Variants in RNF25 observed in about 807,000 individuals in gnomAD.
RNF25 encodes ring finger protein 25.
Under a neutral mutation model 65.0 loss-of-function variants are expected in RNF25, and 32 were observed. The ratio of observed to expected loss-of-function variants is 0.49; its 90% CI spans 0.37 to 0.66. RNF25 has a LOEUF of 0.66. Among genes scored for constraint, RNF25 ranks in the 30% least tolerant of loss-of-function variants. The probability of loss-of-function intolerance (pLI) is 0.00; values close to 1 mark genes in which losing one functional copy is unlikely to be tolerated. For synonymous variants in RNF25, 207 were observed against 221.2 expected (o/e 0.94, Z 0.57); for missense variants, 493 against 584.8 (o/e 0.84, Z 1.62).
intron 8 of RNF25, 64 bp downstream of exon 8, chr2:218,665,091 G>T: frequency 6.5e-7 from 1 of 1,528,442 alleles, no homozygotes; most frequent in Non-Finnish European, 9.1e-7. Flanking sequence ...CAGACAAGAT[G>T]CCATTCCTTA....
intron 2 of RNF25, 61 bp from the exon 3 acceptor site, chr2:218,668,402 G>GCTGGGGTGT: frequency 1.3e-6 from 1 of 774,716 alleles, no homozygotes; most frequent in Non-Finnish European, 2.1e-6. Flanking sequence ...GGCTGGGGAG[G>GCTGGGGTGT]ATGGGGCTGA....
rs1013772694 is a variant in RNF25, at chr2:218,670,613, A to G, written c.41+1317T>C. Reference sequence around the variant, plus strand: ...CGGGAGGCTGAGGCAGGAGAATGGCATGAACCCGGGAGGCGGAGCTTGCAG... The same window carrying G: ...CGGGAGGCTGAGGCAGGAGAATGGCGTGAACCCGGGAGGCGGAGCTTGCAG... On this transcript the variant is annotated intron_variant, in intron 1 of 9. Transcript: ENST00000295704. Among the ~76,000 whole-genome samples the G allele has an allele frequency of 6.2e-5, 9 of 145,232 alleles. No homozygotes were observed. The East Asian group carries it at 1.1e-3, about 17-fold the overall frequency.
Position 218,668,683 on chromosome 2 carries a change from G to C in RNF25, c.42-4C>G, listed in dbSNP as rs1385330943. 2.5e-6 allele frequency: 4 copies of C among 1,593,466 alleles called. No individual in the cohort carries two copies. The highest frequency in any genetic ancestry group is 3.4e-6 in the Non-Finnish European group (4 of 1,161,962). On this transcript the variant is annotated splice_region_variant and splice_polypyrimidine_tract_variant and intron_variant, in intron 1 of 9. Transcript: ENST00000295704. ...TTCAACTTCAGAGGGAAGGACCCTAGAGAGACAGGAGTAGACTAACTTACC... is the reference window on the plus strand; with the variant it reads ...TTCAACTTCAGAGGGAAGGACCCTACAGAGACAGGAGTAGACTAACTTACC...
At chr2:218,667,874 G>A in intron 5 of RNF25, 38 bp downstream of exon 5, 1 of 1,589,930 alleles carries the variant, frequency 6.3e-7, no homozygotes, top group Non-Finnish European at 8.6e-7. Flanking sequence ...GCTCTAGCTT[G>A]AAGGAAAGAA....
Position 218,665,827 on chromosome 2 carries a change from G to C in RNF25, c.573+89C>G, listed in dbSNP as rs1216151881. ...AGGGTATCTATGACCCTGAAAAAGT[G>C]AAGAGCCACTGGAGTGGAGAGATGG... On this transcript the variant is annotated intron_variant, in intron 7 of 9. Coordinates refer to ENST00000295704, the MANE Select transcript of RNF25 (RefSeq NM_022453.3). The C allele has an allele frequency of 2.0e-6, 3 of 1,507,090 alleles. No homozygotes were observed. The African/African-American group carries it at 4.2e-5, about 21-fold the overall frequency. The allele number at this position is 1,507,090 out of a possible 1,614,324, so 93.4% of individuals were successfully genotyped here. A position where few individuals can be genotyped will look rare whatever the true frequency, so the allele number is the denominator to read the frequency against.
chr2:218,665,398 A>G lies in RNF25; in HGVS notation c.574-151T>C, dbSNP rs1304969084. 4.5e-6 allele frequency: 3 copies of G among 666,740 alleles called. No individual in the cohort carries two copies. The African/African-American group carries it at 5.5e-5, about 12-fold the overall frequency. The allele number at this position is 666,740 out of a possible 1,614,324, so 41.3% of individuals were successfully genotyped here. On this transcript the variant is annotated intron_variant, in intron 7 of 9. Transcript: ENST00000295704. Reference sequence around the variant, plus strand: ...GTTGGGACAGAGCACGGGTTGTCTAACTAGAGATCTGGGAACCCCCCGAAA... The same window carrying G: ...GTTGGGACAGAGCACGGGTTGTCTAGCTAGAGATCTGGGAACCCCCCGAAA...
chr2:218,671,934 C>T lies in RNF25; in HGVS notation c.37G>A (p.Asp13Asn), dbSNP rs763666601. The part of the protein sequence containing the change: ...ASASAAAGEE[D>N]WVLPSEVEVL... ...AGCCCATGCCCCCAAAGTTACCAGTCCTCCTCCCCTGCAGCTGCAGACGCA... is the reference window on the plus strand; with the variant it reads ...AGCCCATGCCCCCAAAGTTACCAGTTCTCCTCCCCTGCAGCTGCAGACGCA... Residue 13 changes from aspartate (D) to asparagine (N), a missense_variant, in exon 1 of 10, where the codon GAC becomes AAC. Asp to Asn is a conservative substitution (Grantham distance 23, BLOSUM62 1). This residue lies in a region of RNF25 where 34 missense variants were observed against 18.6 expected (regional missense o/e 1.83). Coordinates refer to ENST00000295704, the MANE Select transcript of RNF25 (RefSeq NM_022453.3). 5 of 1,614,138 alleles carry T rather than the reference C, an allele frequency of 3.1e-6. No homozygotes were observed. The highest frequency in any genetic ancestry group is 3.4e-6 in the Non-Finnish European group (4 of 1,180,042).
rs889342651 is a variant in RNF25 at position 218,664,720 on chromosome 2, T to C, written c.801+19A>G. 1 of 1,614,094 alleles carries C rather than the reference T, an allele frequency of 6.2e-7. No individual in the cohort carries two copies. The highest frequency in any genetic ancestry group is 1.7e-5 in the Admixed American group (1 of 60,012). On this transcript the variant is annotated intron_variant, in intron 9 of 9. Coordinates refer to ENST00000295704, the MANE Select transcript of RNF25 (RefSeq NM_022453.3). This position sits in a 1 kb window ranked among gnomAD's most constrained non-coding sequence, Gnocchi z 5.1. ...AAGGTTGGTGGCATTACAGGACAAC[T>C]GGGAAGCCCTTCCCTCACCTGCTGA...
chr2:218,670,142 T>A (rs1190567080), intron 1 of RNF25, among the ~76,000 whole-genome samples: 1 of 149,364 alleles, frequency 6.7e-6, no homozygotes, highest in Non-Finnish European at 1.5e-5. Context: ...GAGGCTGTAG[T>A]GAGCCATGAT....
At chr2:218,667,743 CT>C (rs1410296434) in intron 5 of RNF25, among the ~76,000 whole-genome samples, 168 bp downstream of exon 5, 1 of 152,160 alleles carries the variant, frequency 6.6e-6, no homozygotes, top group Non-Finnish European at 1.5e-5. Context: ...ACTGAACTGT[CT>C]TTTGGGAAGT....
intron 1 of RNF25, among the ~76,000 whole-genome samples, chr2:218,670,753 T>C (rs966129285): frequency 6.8e-6 from 1 of 147,872 alleles, no homozygotes; most frequent in African/African-American, 2.5e-5. Flanking sequence ...AATGTCCTAG[T>C]ACAAAGAATC....
chr2:218,668,996 T>C (rs1395170151), intron 1 of RNF25, among the ~76,000 whole-genome samples: 2 of 152,232 alleles, frequency 1.3e-5, no homozygotes, highest in East Asian at 3.8e-4. Flanking sequence ...TTAAGTTTCA[T>C]TCCCCTTAGT....
At chr2:218,665,294 C>T (rs761438007) in intron 7 of RNF25, 47 bp from the exon 8 acceptor site, 3 of 1,555,666 alleles carry the variant, frequency 1.9e-6, no homozygotes, top group Admixed American at 3.5e-5. Context: ...CCAGGATGCC[C>T]CCTGGTGCTG....
At chr2:218,667,325 G>C (rs968290288) in intron 5 of RNF25, among the ~76,000 whole-genome samples, 2 of 151,544 alleles carry the variant, frequency 1.3e-5, no homozygotes, top group African/African-American at 2.4e-5. Context: ...CAGTGTATAA[G>C]CTCTTTCAGT....
intron 1 of RNF25, among the ~76,000 whole-genome samples, chr2:218,671,643 T>A (rs1575116604): frequency 6.6e-6 from 1 of 152,128 alleles, no homozygotes; most frequent in Non-Finnish European, 1.5e-5. Context: ...AAAATTCATT[T>A]GAGGAGGAGA....
chr2:218,668,551 G>A, intron 2 of RNF25, 54 bp downstream of exon 2: 2 of 1,304,262 alleles, frequency 1.5e-6, no homozygotes, highest in South Asian at 2.4e-5. Context: ...ATTCAGCATA[G>A]AACCTCTCCT....
chr2:218,671,974 T>C lies in RNF25; in HGVS notation c.-4A>G, dbSNP rs769559167. The C allele has an allele frequency of 6.2e-7, 1 of 1,614,176 alleles. No individual in the cohort carries two copies. The highest frequency in any genetic ancestry group is 2.2e-5 in the East Asian group (1 of 44,866). On this transcript the variant is annotated 5_prime_UTR_variant, in exon 1 of 10. Transcript: ENST00000295704. ...CTGCAGACGCAGACGCCGCCATATCTTCACCGGCCCGCAGCCGGAACCGGA... is the reference window on the plus strand; with the variant it reads ...CTGCAGACGCAGACGCCGCCATATCCTCACCGGCCCGCAGCCGGAACCGGA...
chr2:218,665,340 C>A (rs1939798864), intron 7 of RNF25, 93 bp from the exon 8 acceptor site: 4 of 1,080,116 alleles, frequency 3.7e-6, no homozygotes, highest in Non-Finnish European at 1.4e-6. Flanking sequence ...AGGGCTGGGA[C>A]TAAAGGGCAC....
intron 5 of RNF25, 77 bp from the exon 6 acceptor site, chr2:218,666,307 T>TAGTA: frequency 2.4e-6 from 3 of 1,241,108 alleles, no homozygotes; most frequent in African/African-American, 1.5e-5. Context: ...CTCCTAGGAG[T>TAGTA]GACTGGCTAG....
Sources: allele counts gnomAD v4.1 joint callset (sites outside exome capture counted in the v4.1 genomes callset), GRCh38; gene constraint gnomAD v4.1.1; regional missense constraint gnomAD v4.1.1; non-coding constraint Gnocchi (gnomAD v3.1); transcripts MANE v1.5; gene names NCBI Gene and HGNC (gene_info 2026-07-23, HGNC 2026-07-21).